The following USP7 variants were observed in gnomAD, a reference collection of about 807,000 sequenced individuals.
The protein encoded by USP7 is ubiquitin specific peptidase 7, also known as ubiquitin C-terminal hydrolase 7.
In USP7, 9 loss-of-function variants were observed where a neutral mutation model predicts 162.9. The observed-to-expected ratio is 0.06, with a 90% CI of 0.03 to 0.10. The LOEUF is 0.10. USP7 is among the 10% of genes least tolerant of loss of function. USP7 has a pLI of 1.00. For synonymous variants in USP7, 562 were observed against 475.9 expected (o/e 1.18, Z -2.35); for missense variants, 715 against 1,373.7 (o/e 0.52, Z 7.58).
At position 8,921,269 on chromosome 16, in the gene USP7, A is replaced by G; in HGVS notation, c.410T>C (p.Val137Ala). Residue 137 changes from valine (V) to alanine (A), a missense_variant, in exon 4 of 31, where the codon GTG becomes GCG. By Grantham distance (64) the Val-to-Ala change is moderately conservative. This residue lies in a region of USP7 where 35 missense variants were observed against 101.0 expected (regional missense o/e 0.35). Transcript: ENST00000344836. Reference protein sequence around the residue: ...STSWSCHAQAVLKIINYRDDE... With the variant: ...STSWSCHAQAALKIINYRDDE... ...ATCTCTGTAATTTATTATCTTCAGC[A>G]CTGCTTGTGCATGGCAAGACCATGA... The G allele has an allele frequency of 6.2e-7, 1 of 1,614,134 alleles. No homozygotes were observed. Among genetic ancestry groups the G allele is most frequent in the Non-Finnish European group, 8.5e-7 (1 of 1,180,014 alleles).
Position 8,899,123 on chromosome 16 carries a change from T to C in USP7, c.2529A>G (p.Gln843=), listed in dbSNP as rs767095600. ...DPMLLQFFKS[Q]GYRDGPGNPL... ...AAGTGTCCACACATGTGACCTACCC[T>C]TGAGACTTGAAAAACTGCAGCAACA... Residue 843 remains glutamine (Q), a splice_region_variant and synonymous_variant, in exon 23 of 31, where the codon CAA becomes CAG. Transcript: ENST00000344836. 8.1e-6 allele frequency: 13 copies of C among 1,614,104 alleles called. No homozygotes were observed. Among genetic ancestry groups the C allele is most frequent in the African/African-American group, 4.0e-5 (3 of 74,936 alleles).
At position 8,929,183 on chromosome 16, in the gene USP7, G is replaced by T. The variant is rs139676471; in HGVS notation, c.184+1110C>A. ...AATTGATCCCAAACGCACACCTAGC[G>T]CCTCAGAGCTGGCCATGCCTTCCCA... On this transcript the variant is annotated intron_variant, in intron 2 of 30. Coordinates refer to ENST00000344836, the MANE Select transcript of USP7 (RefSeq NM_003470.3). Among the ~76,000 whole-genome samples, 991 of 152,274 alleles carry T rather than the reference G, an allele frequency of 6.5e-3. 9 individuals carry two copies. Among genetic ancestry groups the T allele is most frequent in the Admixed American group, 0.013 (195 of 15,288 alleles).
chr16:8,910,640 A>G (rs1013199760), intron 11 of USP7, 105 bp downstream of exon 11: 8 of 981,732 alleles, frequency 8.1e-6, no homozygotes, highest in Middle Eastern at 2.1e-4. Context: ...TCTAAATACC[A>G]GAAACACATG....
At chr16:8,939,077 G>A (rs1170041254) in intron 1 of USP7, among the ~76,000 whole-genome samples, 1 of 152,094 alleles carries the variant, frequency 6.6e-6, no homozygotes, top group Non-Finnish European at 1.5e-5. Flanking sequence ...AACAGCCAGG[G>A]TCCTGATGTA....
chr16:8,962,234 A>AG, intron 1 of USP7, among the ~76,000 whole-genome samples: 1 of 152,344 alleles, frequency 6.6e-6, no homozygotes, highest in South Asian at 2.1e-4. Context: ...GGTGGCCTCC[A>AG]TTTGACTCCC....
At chr16:8,960,970 C>T (rs1263729489) in intron 1 of USP7, among the ~76,000 whole-genome samples, 1 of 152,174 alleles carries the variant, frequency 6.6e-6, no homozygotes, top group Non-Finnish European at 1.5e-5. Context: ...GAGGCCCAGT[C>T]AGAAGAAATG....
At chr16:8,929,806 C>A (rs1898216585) in intron 2 of USP7, among the ~76,000 whole-genome samples, 1 of 152,128 alleles carries the variant, frequency 6.6e-6, no homozygotes, top group Non-Finnish European at 1.5e-5. Flanking sequence ...AAGCTATAGA[C>A]CAAAACTCAG....
chr16:8,950,542 CTT>C (rs754064130), intron 1 of USP7, among the ~76,000 whole-genome samples: 6 of 152,194 alleles, frequency 3.9e-5, no homozygotes, highest in Non-Finnish European at 5.9e-5. Flanking sequence ...ACACTGAAGA[CTT>C]TGATCACTTG....
chr16:8,900,675 C>T (rs751520234), intron 20 of USP7, 45 bp from the exon 21 acceptor site: 43 of 1,406,888 alleles, frequency 3.1e-5, no homozygotes, highest in Middle Eastern at 1.8e-4. Context: ...GTTTGTCTAA[C>T]GTTTAATATG....
chr16:8,955,580 C>T (rs1388064994), intron 1 of USP7, among the ~76,000 whole-genome samples: 1 of 152,008 alleles, frequency 6.6e-6, no homozygotes, highest in Non-Finnish European at 1.5e-5. Flanking sequence ...GCGGCGCGCC[C>T]CTGTAGTCCT....
At chr16:8,956,064 A>G (rs888399900) in intron 1 of USP7, among the ~76,000 whole-genome samples, 1 of 152,200 alleles carries the variant, frequency 6.6e-6, no homozygotes, top group East Asian at 1.9e-4. Flanking sequence ...TCCAAACCAG[A>G]TGCCAGTTTA....
At chr16:8,929,014 A>G (rs941449847) in intron 2 of USP7, among the ~76,000 whole-genome samples, 6 of 71,876 alleles carry the variant, frequency 8.3e-5, no homozygotes, top group Admixed American at 1.9e-4. Flanking sequence ...GCTCCGCCCT[A>G]TATCTATGTC....
chr16:8,927,033 G>A (rs1033315274), intron 2 of USP7, among the ~76,000 whole-genome samples: 3 of 152,192 alleles, frequency 2.0e-5, no homozygotes, highest in Non-Finnish European at 4.4e-5. Context: ...AAGAAAGGTA[G>A]GCCGGGCGCA....
chr16:8,947,679 A>G (rs1165242906), intron 1 of USP7, among the ~76,000 whole-genome samples: 1 of 152,184 alleles, frequency 6.6e-6, no homozygotes, highest in Non-Finnish European at 1.5e-5. Flanking sequence ...TAATTTCTAT[A>G]TGGTAAATAA....
intron 21 of USP7, 82 bp from the exon 22 acceptor site, chr16:8,899,839 A>G (rs2061746185): frequency 2.0e-6 from 3 of 1,477,058 alleles, no homozygotes; most frequent in Admixed American, 3.4e-5. Context: ...TCTTTTACAC[A>G]ACAGTGACAC....
rs2061607326 is a variant in USP7 at position 8,892,109 on chromosome 16, G to T, written c.*1889C>A. ...TTACAACACGTTCTTTGGAAAAAGAGTCATTTAATACCTTAAGGGAGAGTA... is the reference window on the plus strand; with the variant it reads ...TTACAACACGTTCTTTGGAAAAAGATTCATTTAATACCTTAAGGGAGAGTA... On this transcript the variant is annotated 3_prime_UTR_variant, in exon 31 of 31. Coordinates refer to ENST00000344836, the MANE Select transcript of USP7 (RefSeq NM_003470.3). 1.3e-5 allele frequency: 2 copies of T among 152,228 alleles called. No individual in the cohort carries two copies. Among genetic ancestry groups the T allele is most frequent in the Admixed American group, 1.3e-4 (2 of 15,282 alleles). The allele number at this position is 152,228 out of a possible 1,614,324, so 9.4% of individuals were successfully genotyped here.
intron 1 of USP7, among the ~76,000 whole-genome samples, chr16:8,948,900 G>C (rs1353603914): frequency 6.6e-6 from 1 of 152,126 alleles, no homozygotes; most frequent in Non-Finnish European, 1.5e-5. Flanking sequence ...GGAGCTTAAG[G>C]CTGCAATGAG....
chr16:8,919,115 G>A lies in USP7; in HGVS notation c.636C>T (p.Gly212=). 1.2e-6 allele frequency: 2 copies of A among 1,614,102 alleles called. No individual in the cohort carries two copies. Among genetic ancestry groups the A allele is most frequent in the Non-Finnish European group, 1.7e-6 (2 of 1,180,016 alleles). ...GVAWDSKKHT[G]YVGLKNQGAT... is the part of the protein sequence containing the mutation. ...CTCCCTGATTCTTTAAGCCGACGTAGCCTGTGTGCTTCTTTGAATCCCACC... is the reference window on the plus strand; with the variant it reads ...CTCCCTGATTCTTTAAGCCGACGTAACCTGTGTGCTTCTTTGAATCCCACC... Residue 212 remains glycine (G), a synonymous_variant, in exon 6 of 31, where the codon GGC becomes GGT. Coordinates refer to ENST00000344836, the MANE Select transcript of USP7 (RefSeq NM_003470.3).
chr16:8,948,677 C>T (rs887446437), intron 1 of USP7, among the ~76,000 whole-genome samples: 5 of 152,098 alleles, frequency 3.3e-5, no homozygotes, highest in South Asian at 2.1e-4. Context: ...CTACTGGCTA[C>T]GATGTGGATG....
Sources: allele counts gnomAD v4.1 joint callset (sites outside exome capture counted in the v4.1 genomes callset), GRCh38; gene constraint gnomAD v4.1.1; regional missense constraint gnomAD v4.1.1; transcripts MANE v1.5; gene names NCBI Gene and HGNC (gene_info 2026-07-23, HGNC 2026-07-21).